ARSB: variants seen among roughly 807,000 people sequenced by gnomAD.
ARSB encodes arylsulfatase B.
ARSB carries 41 observed loss-of-function variants against 50.9 expected under a neutral mutation model. The ratio of observed to expected loss-of-function variants is 0.81; its 90% CI spans 0.63 to 1.04. The LOEUF is 1.04. ARSB is among the 50% of genes least tolerant of loss of function. The pLI, the probability that ARSB is intolerant of heterozygous loss-of-function variation, is 0.00. For synonymous variants in ARSB, 269 were observed against 284.8 expected (o/e 0.94, Z 0.56); for missense variants, 672 against 693.3 (o/e 0.97, Z 0.35).
chr5:78,931,343 T>G (rs1249716839), intron 4 of ARSB, among the ~76,000 whole-genome samples: 2 of 152,220 alleles, frequency 1.3e-5, no homozygotes, highest in Non-Finnish European at 2.9e-5. Flanking sequence ...TTTTTTCAAC[T>G]GATAATACTG....
intron 4 of ARSB, among the ~76,000 whole-genome samples, chr5:78,915,561 G>A (rs1198181369): frequency 6.6e-6 from 1 of 152,170 alleles, no homozygotes; most frequent in Non-Finnish European, 1.5e-5. Flanking sequence ...GAAAAGGAGA[G>A]TGAGGGTATG....
intron 6 of ARSB, among the ~76,000 whole-genome samples, chr5:78,832,598 C>T (rs1289094209): frequency 6.6e-6 from 1 of 152,052 alleles, no homozygotes; most frequent in Non-Finnish European, 1.5e-5. Context: ...CCAACCTGGA[C>T]GACTCTTGGA....
intron 6 of ARSB, among the ~76,000 whole-genome samples, chr5:78,834,953 CCCCT>C (rs35281545): frequency 0.23 from 31,506 of 139,726 alleles, 3,922 homozygotes; most frequent in Non-Finnish European, 0.27. Context: ...TTCTTATTTT[CCCCT>C]CCCTCCCTCC....
chr5:78,946,511 A>G (rs1331973013), intron 4 of ARSB, among the ~76,000 whole-genome samples: 1 of 152,202 alleles, frequency 6.6e-6, no homozygotes, highest in African/African-American at 2.4e-5. Context: ...TCCCTTTTAC[A>G]ATAGCTACCA....
chr5:78,879,051 G>A (rs185341365), intron 5 of ARSB, among the ~76,000 whole-genome samples: 4 of 152,048 alleles, frequency 2.6e-5, no homozygotes, highest in Middle Eastern at 3.4e-3. Context: ...ACAGGGTTTC[G>A]CTATGTTGCC....
chr5:78,872,725 T>G (rs1327671472), intron 5 of ARSB, among the ~76,000 whole-genome samples: 4 of 142,010 alleles, frequency 2.8e-5, no homozygotes, highest in Non-Finnish European at 6.1e-5. Context: ...AGATGACGAG[T>G]TAGTGGGTGC....
At chr5:78,866,133 A>G (rs1746714433) in intron 5 of ARSB, among the ~76,000 whole-genome samples, 1 of 152,136 alleles carries the variant, frequency 6.6e-6, no homozygotes, top group Admixed American at 6.6e-5. Flanking sequence ...CTCTGTTTTC[A>G]TGCTGCTGAT....
rs150065063 is a variant in ARSB at position 78,842,418 on chromosome 5, G to C, written c.1143-2992C>G. Reference sequence around the variant, plus strand: ...GAGAGACATGGCCGATTGCTGGGGAGGAGAATCCTCAGGGCTGAATGCCAT... The same window carrying C: ...GAGAGACATGGCCGATTGCTGGGGACGAGAATCCTCAGGGCTGAATGCCAT... On this transcript the variant is annotated intron_variant, in intron 5 of 7. Coordinates refer to ENST00000264914, the MANE Select transcript of ARSB (RefSeq NM_000046.5). 1.1e-3 allele frequency among the ~76,000 whole-genome samples: 174 copies of C among 152,298 alleles called. 1 individual carries two copies. The highest frequency in any genetic ancestry group is 3.9e-3 in the African/African-American group (163 of 41,562).
chr5:78,939,378 C>T (rs1256961048), intron 4 of ARSB, among the ~76,000 whole-genome samples: 1 of 151,858 alleles, frequency 6.6e-6, no homozygotes, highest in Middle Eastern at 3.4e-3. Flanking sequence ...TGTGCTGCAC[C>T]CATTAACTCA....
chr5:78,948,949 A>G (rs1384666050), intron 4 of ARSB, among the ~76,000 whole-genome samples: 1 of 152,322 alleles, frequency 6.6e-6, no homozygotes, highest in East Asian at 1.9e-4. Context: ...GGGCTGTGAT[A>G]GAGTCTGAGA....
chr5:78,849,224 T>A (rs1159661751), intron 5 of ARSB, among the ~76,000 whole-genome samples: 1 of 152,072 alleles, frequency 6.6e-6, no homozygotes. Context: ...CTTTAATCCA[T>A]CTTGAATTAA....
At chr5:78,826,893 G>T (rs937766256) in intron 6 of ARSB, among the ~76,000 whole-genome samples, 1 of 152,114 alleles carries the variant, frequency 6.6e-6, no homozygotes, top group African/African-American at 2.4e-5. Flanking sequence ...CTCCAAGGGG[G>T]AACCTATTTG....
In ARSB at chr5:78,977,361, C is replaced by T. The variant is rs539671626; in HGVS notation, c.312+7576G>A. ...TAGAGACAGGGTTTCACCATGTTGG[C>T]CAGGCTGGTCTCAAACTCCTGACCT... On this transcript the variant is annotated intron_variant, in intron 1 of 7. Transcript: ENST00000264914. Among the ~76,000 whole-genome samples, 29 of 152,244 alleles carry T rather than the reference C, an allele frequency of 1.9e-4. No homozygotes were observed. In the South Asian group the frequency reaches 4.1e-3, roughly 22 times the overall value.
intron 5 of ARSB, among the ~76,000 whole-genome samples, chr5:78,870,743 G>A: frequency 6.7e-6 from 1 of 149,934 alleles, no homozygotes; most frequent in East Asian, 2.0e-4. Flanking sequence ...CATTCCCTTT[G>A]AAAACTGGCA....
rs550807 is a variant in ARSB at position 78,898,070 on chromosome 5, C to T, written c.899-12243G>A. On this transcript the variant is annotated intron_variant, in intron 4 of 7. Transcript: ENST00000264914. Reference sequence around the variant, plus strand: ...ATCACATGAGGCCAGGAGTTCGAGACCAGCCTGGCCAACATGGAGAAACCC... The same window carrying T: ...ATCACATGAGGCCAGGAGTTCGAGATCAGCCTGGCCAACATGGAGAAACCC... Among the ~76,000 whole-genome samples the T allele has an allele frequency of 9.9e-4, 151 of 152,198 alleles. 2 individuals are homozygous for T. In the East Asian group the frequency reaches 0.02, roughly 21 times the overall value.
chr5:78,855,559 C>G (rs12659281), intron 5 of ARSB, among the ~76,000 whole-genome samples: 1 of 152,006 alleles, frequency 6.6e-6, no homozygotes, highest in South Asian at 2.1e-4. Flanking sequence ...ATACTTGCCC[C>G]CAGAGCAAGA....
intron 6 of ARSB, among the ~76,000 whole-genome samples, chr5:78,795,734 T>C (rs1350475546): frequency 6.6e-6 from 1 of 152,200 alleles, no homozygotes; most frequent in African/African-American, 2.4e-5. Flanking sequence ...CAGATGTTAT[T>C]TATTACCTAC....
At chr5:78,904,744 G>C (rs1203590333) in intron 4 of ARSB, among the ~76,000 whole-genome samples, 1 of 146,520 alleles carries the variant, frequency 6.8e-6, no homozygotes, top group African/African-American at 2.5e-5. Context: ...CTGGAATGCA[G>C]TGGCGCTATC....
intron 5 of ARSB, among the ~76,000 whole-genome samples, chr5:78,858,118 A>T (rs759764767): frequency 7.9e-5 from 12 of 152,152 alleles, no homozygotes; most frequent in Non-Finnish European, 1.6e-4. Flanking sequence ...TCTATGCTAA[A>T]TTCTCTGCTC....
Sources: allele counts gnomAD v4.1 joint callset (sites outside exome capture counted in the v4.1 genomes callset), GRCh38; gene constraint gnomAD v4.1.1; transcripts MANE v1.5; gene names NCBI Gene and HGNC (gene_info 2026-07-23, HGNC 2026-07-21).